MYT1L: variants seen among roughly 807,000 people sequenced by gnomAD.
MYT1L encodes myelin transcription factor 1-like protein.
A neutral mutation model predicts 126.7 loss-of-function variants in MYT1L; 12 were observed. The observed-to-expected ratio is 0.09, with a 90% CI of 0.06 to 0.15. MYT1L has a LOEUF of 0.15. Among genes scored for constraint, MYT1L ranks in the 10% least tolerant of loss-of-function variants. MYT1L has a pLI of 1.00. For missense variants in MYT1L, 979 were observed against 1,585.2 expected (o/e 0.62, Z 6.49); for synonymous variants, 541 against 604.2 (o/e 0.90, Z 1.53).
At chr2:1,839,724 T>C (rs894507064) in intron 20 of MYT1L, among the ~76,000 whole-genome samples, 1 of 152,228 alleles carries the variant, frequency 6.6e-6, no homozygotes, top group African/African-American at 2.4e-5. Flanking sequence ...GACAGAACCA[T>C]GGCTTTTCAG....
At chr2:1,982,736 C>T (rs2060701522) in intron 5 of MYT1L, among the ~76,000 whole-genome samples, 1 of 152,160 alleles carries the variant, frequency 6.6e-6, no homozygotes, top group Non-Finnish European at 1.5e-5. Context: ...TTCAGTAGGG[C>T]ACAGAATTCT....
chr2:2,298,792 C>T (rs754611211), intron 1 of MYT1L, among the ~76,000 whole-genome samples: 2 of 152,172 alleles, frequency 1.3e-5, no homozygotes, highest in African/African-American at 2.4e-5. Context: ...CCACACGTCC[C>T]GCAGTGCTCA....
intron 2 of MYT1L, among the ~76,000 whole-genome samples, chr2:2,242,224 CA>C (rs2094453403): frequency 1.3e-5 from 2 of 152,078 alleles, no homozygotes; most frequent in African/African-American, 2.4e-5. Flanking sequence ...GTACAGAGAC[CA>C]GATCCATCTT....
intron 4 of MYT1L, among the ~76,000 whole-genome samples, chr2:2,050,935 G>A (rs2068754614): frequency 6.6e-6 from 1 of 152,178 alleles, no homozygotes; most frequent in South Asian, 2.1e-4. Flanking sequence ...TCAGAAAGTT[G>A]AATACAGTAA....
intron 20 of MYT1L, 38 bp from the exon 21 acceptor site, chr2:1,839,408 C>T (rs1572726096): frequency 8.3e-6 from 13 of 1,564,968 alleles, no homozygotes; most frequent in Admixed American, 3.5e-5. Context: ...TATTGTCTGG[C>T]CACCGTCGCC....
chr2:2,175,447 CTT>C (rs989683362), intron 2 of MYT1L, among the ~76,000 whole-genome samples: 6 of 152,176 alleles, frequency 3.9e-5, no homozygotes, highest in East Asian at 1.9e-4. Flanking sequence ...GGGTCACGCT[CTT>C]TGTTTTTCAC....
At chr2:1,814,119 C>CGACGG (rs1358657876) in intron 21 of MYT1L, among the ~76,000 whole-genome samples, 1 of 151,978 alleles carries the variant, frequency 6.6e-6, no homozygotes, top group East Asian at 1.9e-4. Flanking sequence ...ATGGCCTTTG[C>CGACGG]GACGGGCTCT....
intron 3 of MYT1L, among the ~76,000 whole-genome samples, chr2:2,065,328 A>G (rs1310298202): frequency 6.6e-6 from 1 of 152,246 alleles, no homozygotes; most frequent in Admixed American, 6.5e-5. Flanking sequence ...ACCCCAAATT[A>G]ATGGCTACAA....
Position 1,811,299 on chromosome 2 carries a change from CTGA to C in MYT1L, c.3081-2135_3081-2133del, listed in dbSNP as rs2036586022. On this transcript the variant is annotated intron_variant, in intron 21 of 24. Coordinates refer to ENST00000647738, the MANE Select transcript of MYT1L (RefSeq NM_001303052.2). The surrounding 1 kb of genome is among the most constrained non-coding windows in gnomAD (Gnocchi z 4.4). ...CTGTGGCTGTGAACTGCTGTGTTTG[CTGA>C]TGATGTTCCTAGGTTCAGTGGGAGA... 6.6e-6 allele frequency: 1 copy of C among 152,198 alleles called. No individual in the cohort carries two copies. The highest frequency in any genetic ancestry group is 1.5e-5 in the Non-Finnish European group (1 of 68,058). The allele number at this position is 152,198 out of a possible 1,614,324, so 9.4% of individuals were successfully genotyped here. A position where few individuals can be genotyped will look rare whatever the true frequency, so the allele number is the denominator to read the frequency against.
At chr2:2,140,500 T>C (rs1379913541) in intron 3 of MYT1L, among the ~76,000 whole-genome samples, 2 of 147,518 alleles carry the variant, frequency 1.4e-5, no homozygotes, top group African/African-American at 5.0e-5. Context: ...AGTGGCACGA[T>C]CCTGGATCAC....
chr2:2,293,752 C>T (rs1261463335), intron 1 of MYT1L, among the ~76,000 whole-genome samples: 1 of 152,138 alleles, frequency 6.6e-6, no homozygotes, highest in Non-Finnish European at 1.5e-5. Context: ...CCCCCAGGTG[C>T]AAGACCGGCC....
intron 3 of MYT1L, among the ~76,000 whole-genome samples, chr2:2,156,253 C>CA (rs1450407654): frequency 5.9e-5 from 9 of 152,168 alleles, no homozygotes; most frequent in Admixed American, 5.2e-4. Flanking sequence ...ACTTGTTTAT[C>CA]AGAAACCTAT....
chr2:2,250,235 T>C (rs1388376447), intron 2 of MYT1L, among the ~76,000 whole-genome samples: 1 of 152,204 alleles, frequency 6.6e-6, no homozygotes, highest in Non-Finnish European at 1.5e-5. Flanking sequence ...GCTGAAGCTC[T>C]GTTCACAGCA....
chr2:2,029,732 A>G (rs1243597523), intron 4 of MYT1L, among the ~76,000 whole-genome samples: 2 of 152,248 alleles, frequency 1.3e-5, no homozygotes, highest in Non-Finnish European at 2.9e-5. Context: ...ATTTCACTGA[A>G]AATATATTCA....
intron 3 of MYT1L, among the ~76,000 whole-genome samples, chr2:2,086,536 TAATG>T (rs1283052527): frequency 6.6e-6 from 1 of 152,214 alleles, no homozygotes; most frequent in Non-Finnish European, 1.5e-5. Flanking sequence ...ACTCACTTTG[TAATG>T]AATAAAACCT....
At chr2:2,011,733 T>C (rs1418547053) in intron 4 of MYT1L, among the ~76,000 whole-genome samples, 1 of 152,198 alleles carries the variant, frequency 6.6e-6, no homozygotes. Context: ...CAGATATTTC[T>C]CCAAAGAAAA....
Position 1,801,868 on chromosome 2 carries a change from C to A in MYT1L, c.3173-69G>T. 3.1e-6 allele frequency: 3 copies of A among 963,356 alleles called. No homozygotes were observed. The allele number at this position is 963,356 out of a possible 1,614,324, so 59.7% of individuals were successfully genotyped here. A position where few individuals can be genotyped will look rare whatever the true frequency, so the allele number is the denominator to read the frequency against. ...AATATTAGAGTTAGAATTTTGGGAG[C>A]TTTCTTTGTTCCTTTTATATTCGTA... On this transcript the variant is annotated intron_variant, in intron 22 of 24. Coordinates refer to ENST00000647738, the MANE Select transcript of MYT1L (RefSeq NM_001303052.2). This position sits in a 1 kb window ranked among gnomAD's most constrained non-coding sequence, Gnocchi z 4.2.
intron 3 of MYT1L, among the ~76,000 whole-genome samples, chr2:2,121,901 T>A (rs1350105438): frequency 6.6e-6 from 1 of 152,180 alleles, no homozygotes; most frequent in South Asian, 2.1e-4. Flanking sequence ...CTATCAATGA[T>A]TGTTTCTGCC....
intron 4 of MYT1L, among the ~76,000 whole-genome samples, chr2:2,020,728 T>C (rs576331993): frequency 2.0e-5 from 3 of 152,372 alleles, no homozygotes; most frequent in African/African-American, 7.2e-5. Flanking sequence ...CATCAGTCTT[T>C]TGTAATGTCT....
Sources: gnomAD v4.1 joint callset for allele counts (sites outside exome capture counted in the v4.1 genomes callset) on GRCh38, gnomAD v4.1.1 for gene constraint, Gnocchi (gnomAD v3.1) non-coding constraint, MANE v1.5 for transcripts, NCBI Gene and HGNC (gene_info 2026-07-23, HGNC 2026-07-21) for gene names.